SLC8A1: variants seen among roughly 807,000 people sequenced by gnomAD.
SLC8A1 encodes sodium/calcium exchanger 1.
SLC8A1 carries 18 observed loss-of-function variants against 68.3 expected under a neutral mutation model. The ratio of observed to expected loss-of-function variants is 0.26; its 90% CI spans 0.18 to 0.39. The LOEUF (loss-of-function observed/expected upper bound fraction) is 0.39. Among genes scored for constraint, SLC8A1 ranks in the 10% least tolerant of loss-of-function variants. The pLI is 1.00. For synonymous variants in SLC8A1, 475 were observed against 415.5 expected (o/e 1.14, Z -1.74); for missense variants, 985 against 1,156.7 (o/e 0.85, Z 2.15).
chr2:40,455,961 A>T (rs991713509), upstream of SLC8A1, among the ~76,000 whole-genome samples: 1 of 149,120 alleles, frequency 6.7e-6, no homozygotes, highest in Admixed American at 6.7e-5. Flanking sequence ...TCGCCAATGA[A>T]TTTGTCACAG....
intron 2 of SLC8A1, among the ~76,000 whole-genome samples, chr2:40,255,715 C>T (rs999825217): frequency 2.0e-5 from 3 of 152,230 alleles, no homozygotes; most frequent in Non-Finnish European, 4.4e-5. Flanking sequence ...GGTATCTCCT[C>T]TGCCTTAATT....
At chr2:40,116,962 TACTTA>T (rs1490301855) in intron 7 of SLC8A1, 1 of 152,328 alleles carries the variant, frequency 6.6e-6, no homozygotes, top group Non-Finnish European at 1.5e-5. Flanking sequence ...TCTGGAAGAT[TACTTA>T]ACTTCTCTGG....
intron 6 of SLC8A1, among the ~76,000 whole-genome samples, chr2:40,154,702 C>T (rs1409625423): frequency 1.3e-5 from 2 of 152,036 alleles, no homozygotes; most frequent in African/African-American, 4.8e-5. Flanking sequence ...GGGTCTTACT[C>T]TGTAGCCTAG....
At chr2:40,132,309 G>A (rs1475400284) in intron 7 of SLC8A1, among the ~76,000 whole-genome samples, 1 of 152,026 alleles carries the variant, frequency 6.6e-6, no homozygotes, top group African/African-American at 2.4e-5. Flanking sequence ...ATATGGACAA[G>A]TCATTTATTC....
intron 2 of SLC8A1, among the ~76,000 whole-genome samples, chr2:40,180,334 G>A (rs1342768641): frequency 6.6e-6 from 1 of 152,216 alleles, no homozygotes; most frequent in East Asian, 1.9e-4. Context: ...GAGGATGGAT[G>A]TAAGGAATGA....
intron 2 of SLC8A1, among the ~76,000 whole-genome samples, chr2:40,372,652 T>C (rs1254335739): frequency 3.9e-5 from 6 of 152,160 alleles, no homozygotes; most frequent in Admixed American, 3.9e-4. Context: ...CTTGAAAGTA[T>C]TCAACTATTC....
chr2:40,207,516 G>T (rs1418637791), intron 2 of SLC8A1, among the ~76,000 whole-genome samples: 1 of 151,852 alleles, frequency 6.6e-6, no homozygotes, highest in Non-Finnish European at 1.5e-5. Flanking sequence ...GTGATCCAAG[G>T]TATAATAAAA....
chr2:40,102,608 G>A (rs2033962720), exon 8 of SLC8A1: 1 of 152,134 alleles, frequency 6.6e-6, no homozygotes, highest in Non-Finnish European at 1.5e-5. Flanking sequence ...ATGAGCGTGT[G>A]TGAATGAGCA....
intron 2 of SLC8A1, among the ~76,000 whole-genome samples, chr2:40,302,073 GTT>G (rs1030014229): frequency 7.0e-6 from 1 of 142,758 alleles, no homozygotes; most frequent in Non-Finnish European, 1.5e-5. Flanking sequence ...GTGTGTGTGT[GTT>G]TAGTAGAGAA....
chr2:40,209,598 G>GAGAT (rs1038085502), intron 2 of SLC8A1, among the ~76,000 whole-genome samples: 4 of 152,136 alleles, frequency 2.6e-5, no homozygotes, highest in Admixed American at 2.6e-4. Flanking sequence ...ACAGATTGTA[G>GAGAT]AGATAAGGGT....
intron 7 of SLC8A1, among the ~76,000 whole-genome samples, chr2:40,134,078 T>C (rs1217302619): frequency 1.1e-5 from 1 of 90,114 alleles, no homozygotes; most frequent in Non-Finnish European, 2.1e-5. Context: ...CTAAAGTTTT[T>C]GTTTGTTTGT....
chr2:40,200,176 ATATATAT>A (rs2053874548), intron 2 of SLC8A1, among the ~76,000 whole-genome samples: 1 of 19,128 alleles, frequency 5.2e-5, no homozygotes, highest in East Asian at 7.2e-4. Flanking sequence ...AGTCATTGAT[ATATATAT>A]ATATATATTT....
At chr2:40,504,061 A>G (rs973281084) in intron 1 of SLC8A1, among the ~76,000 whole-genome samples, 4 of 152,102 alleles carry the variant, frequency 2.6e-5, no homozygotes, top group African/African-American at 9.7e-5. Context: ...ATTATAATGC[A>G]GAGCTAGAGT....
chr2:40,409,759 C>A (rs1017079358), intron 2 of SLC8A1, among the ~76,000 whole-genome samples: 4 of 152,170 alleles, frequency 2.6e-5, no homozygotes, highest in Non-Finnish European at 5.9e-5. Flanking sequence ...TCCAGTGCCA[C>A]ATCATCCACC....
At chr2:40,204,013 G>C (rs2054905341) in intron 2 of SLC8A1, among the ~76,000 whole-genome samples, 1 of 152,000 alleles carries the variant, frequency 6.6e-6, no homozygotes, top group African/African-American at 2.4e-5. Flanking sequence ...ACCGTGCCCA[G>C]CTGGTGAAGG....
intron 1 of SLC8A1, among the ~76,000 whole-genome samples, chr2:40,463,228 T>C (rs1703447153): frequency 6.6e-6 from 1 of 152,054 alleles, no homozygotes; most frequent in Non-Finnish European, 1.5e-5. Flanking sequence ...GTGAGTTCAG[T>C]AGAGCCCTGG....
intron 2 of SLC8A1, among the ~76,000 whole-genome samples, chr2:40,358,312 T>C (rs750371356): frequency 1.3e-4 from 20 of 151,620 alleles, no homozygotes; most frequent in Non-Finnish European, 2.5e-4. Context: ...GTGCCCTATG[T>C]TTAAATATGT....
intron 1 of SLC8A1, among the ~76,000 whole-genome samples, chr2:40,448,879 T>G (rs1189317377): frequency 1.3e-5 from 2 of 152,160 alleles, no homozygotes; most frequent in Non-Finnish European, 2.9e-5. Flanking sequence ...GATAATAGCA[T>G]GTTGATTCCT....
chr2:40,405,908 T>TAA (rs1690183391), intron 2 of SLC8A1, among the ~76,000 whole-genome samples: 1 of 152,192 alleles, frequency 6.6e-6, no homozygotes, highest in Non-Finnish European at 1.5e-5. Context: ...AAATTTGCTG[T>TAA]TTTGAAAATG....
Sources: gnomAD v4.1 joint callset for allele counts (sites outside exome capture counted in the v4.1 genomes callset) on GRCh38, gnomAD v4.1.1 for gene constraint, MANE v1.5 for transcripts, NCBI Gene and HGNC (gene_info 2026-07-23, HGNC 2026-07-21) for gene names.